PRPSAP1: variants seen among roughly 807,000 people sequenced by gnomAD.
PRPSAP1 encodes the protein phosphoribosyl pyrophosphate synthetase associated protein 1.
A neutral mutation model predicts 39.4 loss-of-function variants in PRPSAP1; 31 were observed. That is an observed-to-expected ratio of 0.79 (90% confidence interval 0.59 to 1.06). The LOEUF (loss-of-function observed/expected upper bound fraction) is 1.06. Among genes scored for constraint, PRPSAP1 ranks in the 50% least tolerant of loss-of-function variants. The pLI is 0.00. For missense variants in PRPSAP1, 430 were observed against 511.6 expected, an observed-to-expected ratio of 0.84 and a Z score of 1.54; for synonymous variants, 212 against 192.6, an observed-to-expected ratio of 1.10 and a Z score of -0.83.
At chr17:76,340,848 A>G (rs1175584470) in intron 3 of PRPSAP1, among the ~76,000 whole-genome samples, 5 of 144,528 alleles carry the variant, frequency 3.5e-5, no homozygotes, top group Non-Finnish European at 7.5e-5. Context: ...TTTGCAGTGA[A>G]CCGAGATCGC....
chr17:76,312,686 T>C, intron 9 of PRPSAP1, 184 bp downstream of exon 9: 3 of 622,322 alleles, frequency 4.8e-6, no homozygotes, highest in Non-Finnish European at 7.5e-6. Context: ...AACTTCTAAG[T>C]TGAACCATGG....
intron 3 of PRPSAP1, among the ~76,000 whole-genome samples, chr17:76,335,128 T>G (rs2143511579): frequency 1.3e-5 from 2 of 152,316 alleles, no homozygotes; most frequent in South Asian, 4.1e-4. Flanking sequence ...TTTTCTGTTT[T>G]GTAAGAGGCA....
chr17:76,340,689 G>A (rs956441085), intron 3 of PRPSAP1, among the ~76,000 whole-genome samples: 3 of 151,978 alleles, frequency 2.0e-5, no homozygotes, highest in Admixed American at 6.6e-5. Context: ...TTGGGAGTTC[G>A]AGACCAGCCT....
rs977121217 is a variant in PRPSAP1, at chr17:76,311,661, G to A, written c.1039C>T (p.Leu347=). ...TNTVPHEVQK[L]QCPKIKTVDI... Reference sequence around the variant, plus strand: ...ACAGTCTTTATCTTGGGACATTGCAGCTTCTGAACCTCATGAGGGACAGTA... The same window carrying A: ...ACAGTCTTTATCTTGGGACATTGCAACTTCTGAACCTCATGAGGGACAGTA... Residue 347 remains leucine (L), a synonymous_variant, in exon 10 of 10, where the codon CTG becomes TTG. Transcript: ENST00000446526. The A allele has an allele frequency of 1.2e-6, 2 of 1,614,112 alleles. No homozygotes were observed. Among genetic ancestry groups the A allele is most frequent in the Non-Finnish European group, 1.7e-6 (2 of 1,180,008 alleles).
At chr17:76,313,199 C>T (rs2071087583) in intron 8 of PRPSAP1, 183 bp from the exon 9 acceptor site, 4 of 654,234 alleles carry the variant, frequency 6.1e-6, no homozygotes, top group African/African-American at 3.7e-5. Context: ...CTGACAGTAC[C>T]TTGTGTGTCT....
chr17:76,348,975 G>A (rs574304487), intron 1 of PRPSAP1, among the ~76,000 whole-genome samples: 1 of 152,326 alleles, frequency 6.6e-6, no homozygotes, highest in African/African-American at 2.4e-5. Context: ...CAAATGTGGT[G>A]TGGATCTTGT....
intron 7 of PRPSAP1, among the ~76,000 whole-genome samples, chr17:76,325,619 G>C (rs1026764887): frequency 1.3e-4 from 15 of 117,092 alleles, no homozygotes; most frequent in African/African-American, 5.3e-4. Flanking sequence ...TTTTTTTTGA[G>C]ACAGAGTCTC....
intron 7 of PRPSAP1, among the ~76,000 whole-genome samples, chr17:76,325,924 G>A (rs1253827909): frequency 1.3e-5 from 2 of 151,938 alleles, no homozygotes; most frequent in Non-Finnish European, 2.9e-5. Flanking sequence ...GTATTTTTTA[G>A]CAGTAAAGTA....
At chr17:76,349,782 A>G (rs990102132) in intron 1 of PRPSAP1, among the ~76,000 whole-genome samples, 4 of 151,988 alleles carry the variant, frequency 2.6e-5, no homozygotes, top group African/African-American at 9.7e-5. Context: ...AATAAAAAAA[A>G]TAAAATTAAC....
rs2071065671 is a variant in PRPSAP1 at position 76,311,046 on chromosome 17, C to T, written c.*496G>A. On this transcript the variant is annotated 3_prime_UTR_variant, in exon 10 of 10. Transcript: ENST00000446526. ...GTAACAACATGAATGCTTCATTTTT[C>T]AATGGCTGTAGGCATAACAATTTCT... The T allele has an allele frequency of 6.6e-6, 1 of 152,256 alleles. No individual in the cohort carries two copies. 9.4% of individuals were successfully genotyped at this position (152,256 alleles called of 1,614,324 possible).
intron 2 of PRPSAP1, 51 bp downstream of exon 2, chr17:76,348,478 A>C: frequency 8.2e-7 from 1 of 1,223,628 alleles, no homozygotes; most frequent in Non-Finnish European, 1.1e-6. Flanking sequence ...GTCTCAAAAA[A>C]ACTAAATAAA....
intron 8 of PRPSAP1, chr17:76,313,402 T>C (rs1161277036): frequency 4.2e-6 from 1 of 235,698 alleles, no homozygotes; most frequent in Admixed American, 5.1e-5. Context: ...CATGACCCAC[T>C]AGCCAGCAGA....
upstream of PRPSAP1, chr17:76,353,986 A>AG (rs1271143306): frequency 7.9e-7 from 1 of 1,262,980 alleles, no homozygotes; most frequent in Middle Eastern, 3.1e-4. Context: ...ATCTCGGATG[A>AG]GGGCAGGGAG....
chr17:76,336,611 A>T (rs371034958), intron 3 of PRPSAP1, among the ~76,000 whole-genome samples: 2 of 150,610 alleles, frequency 1.3e-5, no homozygotes, highest in African/African-American at 4.9e-5. Flanking sequence ...GCATGCCTGT[A>T]ATCCCAGTTA....
chr17:76,326,870 A>C (rs2071260769), intron 7 of PRPSAP1, among the ~76,000 whole-genome samples: 1 of 152,104 alleles, frequency 6.6e-6, no homozygotes, highest in Non-Finnish European at 1.5e-5. Context: ...CTTTACAAAT[A>C]TACACGAAGG....
intron 3 of PRPSAP1, among the ~76,000 whole-genome samples, chr17:76,341,710 C>G (rs1567808022): frequency 6.6e-6 from 1 of 152,184 alleles, no homozygotes; most frequent in Non-Finnish European, 1.5e-5. Flanking sequence ...GAGGCCGAGG[C>G]AGGCGGATCA....
At chr17:76,341,831 C>T (rs373799804) in intron 3 of PRPSAP1, among the ~76,000 whole-genome samples, 4 of 151,958 alleles carry the variant, frequency 2.6e-5, no homozygotes, top group African/African-American at 9.7e-5. Context: ...CCCAGCTACT[C>T]GGGAGGCTGA....
At chr17:76,341,845 A>C (rs923696279) in intron 3 of PRPSAP1, among the ~76,000 whole-genome samples, 1 of 152,154 alleles carries the variant, frequency 6.6e-6, no homozygotes, top group Non-Finnish European at 1.5e-5. Flanking sequence ...AGGCTGAGGC[A>C]GGAGAATGGC....
chr17:76,316,450 G>A (rs1415287268), intron 7 of PRPSAP1, among the ~76,000 whole-genome samples: 1 of 152,018 alleles, frequency 6.6e-6, no homozygotes, highest in African/African-American at 2.4e-5. Context: ...GAATAAAAGT[G>A]AACACATAAT....
Sources: allele counts gnomAD v4.1 joint callset (sites outside exome capture counted in the v4.1 genomes callset), GRCh38; gene constraint gnomAD v4.1.1; transcripts MANE v1.5; gene names NCBI Gene and HGNC (gene_info 2026-07-23, HGNC 2026-07-21).